The following PLEKHB2 variants were observed in gnomAD, a reference collection of about 807,000 sequenced individuals.
PLEKHB2 encodes pleckstrin homology domain-containing family B member 2.
A neutral mutation model predicts 36.5 loss-of-function variants in PLEKHB2; 31 were observed. The observed-to-expected ratio is 0.85, with a 90% CI of 0.64 to 1.15. The LOEUF (loss-of-function observed/expected upper bound fraction) is 1.15, where lower values mean the gene tolerates loss of function less well. Ranked by LOEUF, PLEKHB2 falls within the 50% of genes most tolerant of loss-of-function variation. The pLI, the probability that PLEKHB2 is intolerant of heterozygous loss-of-function variation, is 0.00. For synonymous variants in PLEKHB2, 119 were observed against 112.0 expected (o/e 1.06, Z -0.39); for missense variants, 262 against 295.3 (o/e 0.89, Z 0.83).
At chr2:131,124,386 A>G (rs1225593851) in intron 2 of PLEKHB2, among the ~76,000 whole-genome samples, 2 of 152,204 alleles carry the variant, frequency 1.3e-5, no homozygotes, top group East Asian at 3.8e-4. Context: ...CAGGAACAGA[A>G]GGTGTAGTGG....
chr2:131,139,370 G>A (rs1698561176), intron 6 of PLEKHB2, among the ~76,000 whole-genome samples: 1 of 152,122 alleles, frequency 6.6e-6, no homozygotes, highest in South Asian at 2.1e-4. Flanking sequence ...AAGAAAGAAT[G>A]TCTACTCCAT....
intron 4 of PLEKHB2, among the ~76,000 whole-genome samples, chr2:131,128,285 C>T (rs77295737): frequency 8.5e-5 from 13 of 152,144 alleles, no homozygotes; most frequent in Admixed American, 2.6e-4. Context: ...CCATGTTAAA[C>T]GTGAGCAGGA....
chr2:131,145,451 A>G (rs1423377705), intron 7 of PLEKHB2, among the ~76,000 whole-genome samples: 1 of 151,974 alleles, frequency 6.6e-6, no homozygotes, highest in Non-Finnish European at 1.5e-5. Flanking sequence ...AGCAATTTTC[A>G]TGCCTCAGTA....
chr2:131,121,306 TG>T (rs1439447865), intron 2 of PLEKHB2, among the ~76,000 whole-genome samples: 1 of 152,242 alleles, frequency 6.6e-6, no homozygotes. Context: ...TGGAGTGCAG[TG>T]GCGCGATCTC....
At chr2:131,131,908 A>G (rs1485861904) in intron 5 of PLEKHB2, among the ~76,000 whole-genome samples, 1 of 151,736 alleles carries the variant, frequency 6.6e-6, no homozygotes, top group East Asian at 1.9e-4. Context: ...ATCTCGGCTC[A>G]CTGCAACCTC....
At chr2:131,138,689 T>C (rs964250614) in intron 6 of PLEKHB2, among the ~76,000 whole-genome samples, 1 of 152,168 alleles carries the variant, frequency 6.6e-6, no homozygotes, top group Non-Finnish European at 1.5e-5. Flanking sequence ...GAGGAAAGGC[T>C]CTTTCTTATT....
chr2:131,108,477 T>A (rs4850126), intron 1 of PLEKHB2, among the ~76,000 whole-genome samples: 127,709 of 152,156 alleles, frequency 0.84, 53,999 homozygotes, highest in African/African-American at 0.94. Flanking sequence ...GCTAAGGCAA[T>A]CAAACAGAAG....
rs748429394 is a variant in PLEKHB2 at position 131,125,866 on chromosome 2, A to G, written c.151A>G (p.Met51Val). 8.5e-5 allele frequency: 137 copies of G among 1,613,542 alleles called. 1 individual carries two copies. The highest frequency in any genetic ancestry group is 1.1e-4 in the Non-Finnish European group (130 of 1,179,776). ...TATCGAGGATAAGGTCCACATGCCA[A>G]TGGACTGCATCAACATCCGCACGGG... ...QNIEDKVHMP[M>V]DCINIRTGQE... The change falls in exon 3 of 8, where the codon ATG (methionine) becomes GTG (valine). Residue 51 changes from methionine (M) to valine (V), a missense_variant. By Grantham distance (21) the Met-to-Val change is conservative. Transcript: ENST00000693505.
rs561080005 is a variant in PLEKHB2, at chr2:131,125,902, C to T, written c.187C>T (p.Arg63Trp). 1.7e-5 allele frequency: 27 copies of T among 1,612,094 alleles called. No individual in the cohort carries two copies. Among genetic ancestry groups the T allele is most frequent in the South Asian group, 1.4e-4 (13 of 90,780 alleles). The change falls in exon 3 of 8, where the codon CGG (arginine) becomes TGG (tryptophan). Residue 63 changes from arginine to tryptophan, a missense_variant. Physicochemically the swap from Arg to Trp is moderately radical, Grantham distance 101. Transcript: ENST00000693505. ...CAACATCCGCACGGGGCAGGAATGT[C>T]GGGGTAAGCTGGCCTGTCTTGGCCA... ...CINIRTGQECRDTQPPDGKSK... is the reference protein window; with the variant it reads ...CINIRTGQECWDTQPPDGKSK...
intron 6 of PLEKHB2, among the ~76,000 whole-genome samples, chr2:131,136,398 C>T (rs1698261674): frequency 6.6e-6 from 1 of 151,376 alleles, no homozygotes; most frequent in South Asian, 2.1e-4. Flanking sequence ...GTTGTAGAGA[C>T]AGGGTCTTGT....
At chr2:131,122,023 C>T (rs919668098) in intron 2 of PLEKHB2, among the ~76,000 whole-genome samples, 1 of 152,060 alleles carries the variant, frequency 6.6e-6, no homozygotes, top group Non-Finnish European at 1.5e-5. Flanking sequence ...CTCAGCCTCC[C>T]GAGTAGCTGG....
intron 5 of PLEKHB2, among the ~76,000 whole-genome samples, chr2:131,131,674 T>C (rs1269723847): frequency 6.6e-6 from 1 of 152,066 alleles, no homozygotes; most frequent in Admixed American, 6.6e-5. Flanking sequence ...ATAGCGTCAG[T>C]GTTCTCTTCC....
intron 5 of PLEKHB2, among the ~76,000 whole-genome samples, chr2:131,131,452 G>A (rs528891177): frequency 7.9e-4 from 120 of 152,266 alleles, no homozygotes; most frequent in Non-Finnish European, 1.6e-3. Context: ...GGCCTTAGGA[G>A]GTCACTGAGA....
At chr2:131,105,883 T>C (rs1694667454) in intron 1 of PLEKHB2, among the ~76,000 whole-genome samples, 1 of 152,208 alleles carries the variant, frequency 6.6e-6, no homozygotes. Flanking sequence ...TCTCTACCCC[T>C]GCTGCTCCCT....
At chr2:131,122,208 C>A (rs550820085) in intron 2 of PLEKHB2, among the ~76,000 whole-genome samples, 1 of 152,270 alleles carries the variant, frequency 6.6e-6, no homozygotes, top group South Asian at 2.1e-4. Flanking sequence ...AGCCACCGCG[C>A]CCGGCCTCAT....
At chr2:131,143,878 T>C (rs1345931680) in intron 7 of PLEKHB2, among the ~76,000 whole-genome samples, 1 of 152,192 alleles carries the variant, frequency 6.6e-6, no homozygotes, top group Non-Finnish European at 1.5e-5. Flanking sequence ...CGTGGTTGTT[T>C]AGGGCACTTC....
rs77077283 is a variant in PLEKHB2, at chr2:131,106,738, T to C, written c.-9+1340T>C. 1.2e-3 allele frequency among the ~76,000 whole-genome samples: 177 copies of C among 152,296 alleles called. No individual in the cohort carries two copies. The Middle Eastern group carries it at 0.017, about 15-fold the overall frequency. ...TTACTCTCTGTGGTGGTGATCTCTT[T>C]ACTCGACTCTTCCCTATTCGTACTG... On this transcript the variant is annotated intron_variant, in intron 1 of 7. Transcript: ENST00000693505.
At chr2:131,132,397 C>T (rs1285357367) in intron 5 of PLEKHB2, among the ~76,000 whole-genome samples, 1 of 152,072 alleles carries the variant, frequency 6.6e-6, no homozygotes, top group Non-Finnish European at 1.5e-5. Context: ...GTCTCGAGCT[C>T]CTGGGCTCGA....
At chr2:131,126,240 G>A (rs570176731) in intron 3 of PLEKHB2, among the ~76,000 whole-genome samples, 3 of 152,168 alleles carry the variant, frequency 2.0e-5, no homozygotes, top group South Asian at 2.1e-4. Flanking sequence ...TAAAATCTGG[G>A]ATGTTGGCCA....
Sources: allele counts gnomAD v4.1 joint callset (sites outside exome capture counted in the v4.1 genomes callset), GRCh38; gene constraint gnomAD v4.1.1; transcripts MANE v1.5; gene names NCBI Gene and HGNC (gene_info 2026-07-23, HGNC 2026-07-21).